The following TASP1 variants were observed in gnomAD, a reference collection of about 807,000 sequenced individuals.
TASP1 encodes taspase 1.
A neutral mutation model predicts 56.6 loss-of-function variants in TASP1; 16 were observed. The observed-to-expected ratio is 0.28, with a 90% confidence interval of 0.19 to 0.43. The LOEUF (loss-of-function observed/expected upper bound fraction) is 0.43. Ranked by LOEUF, TASP1 falls within the 20% of genes least tolerant of loss-of-function variation. The probability of loss-of-function intolerance (pLI) is 1.00; values close to 1 mark genes in which losing one functional copy is unlikely to be tolerated. For synonymous variants in TASP1, 179 were observed against 184.2 expected, an observed-to-expected ratio of 0.97 and a Z score of 0.23; for missense variants, 393 against 511.6, an observed-to-expected ratio of 0.77 and a Z score of 2.24.
At chr20:13,539,322 G>A (rs147838463) in intron 8 of TASP1, among the ~76,000 whole-genome samples, 1 of 152,082 alleles carries the variant, frequency 6.6e-6, no homozygotes, top group East Asian at 1.9e-4. Flanking sequence ...TAGAGCAAGA[G>A]GAAAAAAATG....
At chr20:13,174,135 G>A in the TASP1 span, among the ~76,000 whole-genome samples, 2 of 152,182 alleles carry the variant, frequency 1.3e-5, no homozygotes, top group Non-Finnish European at 2.9e-5. Context: ...ATGTGAAAAT[G>A]AAATTTACAT....
intron 7 of TASP1, among the ~76,000 whole-genome samples, chr20:13,561,461 G>A (rs1324649442): frequency 6.6e-6 from 1 of 152,074 alleles, no homozygotes; most frequent in African/African-American, 2.4e-5. Flanking sequence ...TGCCTCCCAG[G>A]TTCAAGCAAT....
chr20:13,285,241 T>C, the TASP1 span, among the ~76,000 whole-genome samples: 1 of 151,906 alleles, frequency 6.6e-6, no homozygotes, highest in Non-Finnish European at 1.5e-5. Context: ...CAATGAGCCA[T>C]GATGGTGCCA....
intron 4 of TASP1, among the ~76,000 whole-genome samples, chr20:13,598,313 T>C (rs2047823582): frequency 2.0e-5 from 3 of 152,134 alleles, no homozygotes; most frequent in Admixed American, 1.3e-4. Flanking sequence ...CAAAACAGCA[T>C]AGTACTGGTA....
At chr20:13,184,996 T>C in the TASP1 span, among the ~76,000 whole-genome samples, 3 of 151,690 alleles carry the variant, frequency 2.0e-5, no homozygotes, top group Non-Finnish European at 4.4e-5. Context: ...TTAGGGAAGA[T>C]TTTTTTTCCC....
intron 4 of TASP1, among the ~76,000 whole-genome samples, chr20:13,599,074 TTGG>T (rs546250955): frequency 2.6e-4 from 40 of 152,294 alleles, no homozygotes; most frequent in South Asian, 2.1e-3. Context: ...TTTTACACTG[TTGG>T]TGGGAGTGTA....
the TASP1 span, among the ~76,000 whole-genome samples, chr20:13,358,936 CCT>C: frequency 6.6e-6 from 1 of 150,452 alleles, no homozygotes; most frequent in Admixed American, 6.6e-5. Flanking sequence ...GGCAAGTACC[CCT>C]CAACCCCTTC....
chr20:13,212,793 C>A, the TASP1 span, among the ~76,000 whole-genome samples: 1 of 152,174 alleles, frequency 6.6e-6, no homozygotes, highest in African/African-American at 2.4e-5. Flanking sequence ...GTAAACAGCT[C>A]TTTCATGCTT....
the TASP1 span, among the ~76,000 whole-genome samples, chr20:13,341,249 A>C: frequency 6.6e-6 from 1 of 152,246 alleles, no homozygotes; most frequent in Non-Finnish European, 1.5e-5. Context: ...CCAGTCCTCC[A>C]GAAAAAGGAT....
the TASP1 span, among the ~76,000 whole-genome samples, chr20:13,292,003 G>A: frequency 6.6e-6 from 1 of 152,170 alleles, no homozygotes; most frequent in Non-Finnish European, 1.5e-5. Flanking sequence ...AACGCACACA[G>A]TCAGTCATTA....
At chr20:13,215,134 CA>C in the TASP1 span, among the ~76,000 whole-genome samples, 1 of 152,140 alleles carries the variant, frequency 6.6e-6, no homozygotes, top group Admixed American at 6.5e-5. Context: ...TTGAGAAATA[CA>C]AAGCACGTTG....
At chr20:13,491,439 C>T (rs1377466433) in intron 10 of TASP1, among the ~76,000 whole-genome samples, 1 of 152,132 alleles carries the variant, frequency 6.6e-6, no homozygotes, top group African/African-American at 2.4e-5. Flanking sequence ...GGGATTTGGC[C>T]CCATTCACTT....
chr20:13,256,142 T>A, the TASP1 span, among the ~76,000 whole-genome samples: 1 of 152,196 alleles, frequency 6.6e-6, no homozygotes, highest in South Asian at 2.1e-4. Flanking sequence ...ATGCCTGTTA[T>A]CCCAGCACTT....
the TASP1 span, among the ~76,000 whole-genome samples, chr20:13,119,978 T>C: frequency 1.3e-5 from 2 of 152,236 alleles, no homozygotes; most frequent in Admixed American, 1.3e-4. Context: ...GGAACTTATG[T>C]ATCCGTTCCT....
At chr20:13,249,387 G>A in the TASP1 span, among the ~76,000 whole-genome samples, 5 of 152,140 alleles carry the variant, frequency 3.3e-5, no homozygotes, top group Middle Eastern at 3.2e-3. Flanking sequence ...CATGAAACAC[G>A]GGCAGGCCAA....
At chr20:13,381,371 CCA>C in the TASP1 span, among the ~76,000 whole-genome samples, 4 of 152,172 alleles carry the variant, frequency 2.6e-5, no homozygotes, top group Non-Finnish European at 4.4e-5. Context: ...AGGCTACGTG[CCA>C]CCCTGCTTCT....
At chr20:13,242,260 A>C in the TASP1 span, among the ~76,000 whole-genome samples, 1 of 152,214 alleles carries the variant, frequency 6.6e-6, no homozygotes, top group Non-Finnish European at 1.5e-5. Context: ...ATGGTAAAGA[A>C]GACTAAGCCA....
At chr20:13,288,522 T>C in the TASP1 span, 1 of 1,611,462 alleles carries the variant, frequency 6.2e-7, no homozygotes, top group African/African-American at 1.3e-5. Context: ...GATGACCATC[T>C]CCCTGGCTGT....
chr20:13,588,731 A>G (rs914408952), intron 4 of TASP1, among the ~76,000 whole-genome samples: 1 of 152,182 alleles, frequency 6.6e-6, no homozygotes, highest in African/African-American at 2.4e-5. Flanking sequence ...TACAATGGCA[A>G]TACTCCCCAA....
Sources: allele counts gnomAD v4.1 joint callset (sites outside exome capture counted in the v4.1 genomes callset), GRCh38; gene constraint gnomAD v4.1.1; transcripts MANE v1.5; gene names NCBI Gene and HGNC (gene_info 2026-07-23, HGNC 2026-07-21).